Variants in BRINP1 observed in about 807,000 individuals in gnomAD.
BRINP1 encodes the protein BMP/retinoic acid-inducible neural-specific protein 1.
In BRINP1, 17 loss-of-function variants were observed where a neutral mutation model predicts 72.9. The observed-to-expected ratio is 0.23, with a 90% CI of 0.16 to 0.35. BRINP1 has a LOEUF of 0.35. Ranked by LOEUF, BRINP1 falls within the 10% of genes least tolerant of loss-of-function variation. The pLI, the probability that BRINP1 is intolerant of heterozygous loss-of-function variation, is 1.00. For synonymous variants in BRINP1, 418 were observed against 378.5 expected (o/e 1.10, Z -1.21); for missense variants, 850 against 1,001.6 (o/e 0.85, Z 2.04).
chr9:119,297,235 A>G (rs953172046), intron 2 of BRINP1, among the ~76,000 whole-genome samples: 1 of 152,208 alleles, frequency 6.6e-6, no homozygotes, highest in Non-Finnish European at 1.5e-5. Flanking sequence ...CAAAACATGA[A>G]TATTATAGAG....
At chr9:119,264,385 C>G (rs1830527651) in intron 2 of BRINP1, among the ~76,000 whole-genome samples, 1 of 152,248 alleles carries the variant, frequency 6.6e-6, no homozygotes, top group Non-Finnish European at 1.5e-5. Flanking sequence ...TTAAATATGA[C>G]AGCCAGAATT....
chr9:119,323,506 A>C (rs1038335880), intron 1 of BRINP1, among the ~76,000 whole-genome samples: 2 of 152,214 alleles, frequency 1.3e-5, no homozygotes, highest in Non-Finnish European at 2.9e-5. Flanking sequence ...TCTCCCTGCC[A>C]TGTACCAAGG....
chr9:119,261,268 A>G (rs1248199973), intron 2 of BRINP1, among the ~76,000 whole-genome samples: 1 of 152,200 alleles, frequency 6.6e-6, no homozygotes, highest in East Asian at 1.9e-4. Flanking sequence ...GTTTCAGAAA[A>G]GTAAAAATGT....
intron 3 of BRINP1, among the ~76,000 whole-genome samples, chr9:119,243,084 A>C (rs980224322): frequency 6.6e-6 from 1 of 151,968 alleles, no homozygotes; most frequent in African/African-American, 2.4e-5. Flanking sequence ...TCTGGGGTAC[A>C]TGTGCAGGAT....
intron 2 of BRINP1, among the ~76,000 whole-genome samples, chr9:119,273,415 C>T (rs540315428): frequency 1.3e-5 from 2 of 152,026 alleles, no homozygotes; most frequent in Non-Finnish European, 2.9e-5. Flanking sequence ...GGCAGAATCT[C>T]GGCTGGGTTT....
At chr9:119,240,597 G>T (rs1043707173) in intron 4 of BRINP1, among the ~76,000 whole-genome samples, 5 of 152,154 alleles carry the variant, frequency 3.3e-5, no homozygotes, top group Admixed American at 1.3e-4. Context: ...CTCTGACTCC[G>T]ATGGCTTCAT....
intron 1 of BRINP1, among the ~76,000 whole-genome samples, chr9:119,356,836 C>G (rs545934579): frequency 5.9e-5 from 9 of 151,410 alleles, no homozygotes; most frequent in Non-Finnish European, 1.0e-4. Context: ...TTGTTTATGA[C>G]AGAATGAAAG....
At chr9:119,340,410 A>AG (rs1055751243) in intron 1 of BRINP1, among the ~76,000 whole-genome samples, 15 of 151,138 alleles carry the variant, frequency 9.9e-5, no homozygotes, top group African/African-American at 2.2e-4. Context: ...CCAACCTCTG[A>AG]GGGAAAAAAA....
intron 1 of BRINP1, among the ~76,000 whole-genome samples, chr9:119,349,065 C>A (rs1831477077): frequency 6.6e-6 from 1 of 152,068 alleles, no homozygotes; most frequent in Admixed American, 6.5e-5. Context: ...AAGACTTGAA[C>A]CCAAGTCTTC....
intron 2 of BRINP1, among the ~76,000 whole-genome samples, chr9:119,287,810 T>G (rs1830778955): frequency 6.6e-6 from 1 of 152,222 alleles, no homozygotes; most frequent in Non-Finnish European, 1.5e-5. Context: ...CTGGATTTTT[T>G]TCTTGAAATA....
intron 1 of BRINP1, among the ~76,000 whole-genome samples, chr9:119,345,051 A>T (rs1434025641): frequency 6.6e-6 from 1 of 152,210 alleles, no homozygotes; most frequent in Non-Finnish European, 1.5e-5. Context: ...TAGCATCCAG[A>T]TGGCAGCCTA....
intron 2 of BRINP1, among the ~76,000 whole-genome samples, chr9:119,252,633 T>C (rs947430275): frequency 3.9e-5 from 6 of 151,970 alleles, no homozygotes; most frequent in African/African-American, 1.5e-4. Flanking sequence ...CACACCCGTA[T>C]TCCTTAAAAT....
At chr9:119,257,801 G>C (rs1344729781) in intron 2 of BRINP1, among the ~76,000 whole-genome samples, 1 of 152,148 alleles carries the variant, frequency 6.6e-6, no homozygotes, top group Non-Finnish European at 1.5e-5. Flanking sequence ...CCAGCTCAGA[G>C]AAAGGTGAAC....
At chr9:119,285,392 C>T (rs948954062) in intron 2 of BRINP1, among the ~76,000 whole-genome samples, 2 of 152,100 alleles carry the variant, frequency 1.3e-5, no homozygotes, top group African/African-American at 4.8e-5. Flanking sequence ...TAATTTGATT[C>T]AACCATTTAT....
intron 7 of BRINP1, among the ~76,000 whole-genome samples, chr9:119,193,729 T>A (rs1285798917): frequency 3.3e-5 from 5 of 152,210 alleles, no homozygotes; most frequent in African/African-American, 1.2e-4. Flanking sequence ...TGTTTTACAC[T>A]GGAAAAATGA....
chr9:119,282,912 C>T, intron 2 of BRINP1: 2 of 985,370 alleles, frequency 2.0e-6, no homozygotes, highest in Non-Finnish European at 1.2e-6. Context: ...AAGCTCTATG[C>T]CCCTGGGAGG....
At chr9:119,267,089 AT>A (rs1361979690) in intron 2 of BRINP1, among the ~76,000 whole-genome samples, 1 of 152,178 alleles carries the variant, frequency 6.6e-6, no homozygotes, top group African/African-American at 2.4e-5. Flanking sequence ...CCAGGAATGC[AT>A]TTTCTTTTCT....
chr9:119,311,788 G>A (rs1257101595), intron 2 of BRINP1, among the ~76,000 whole-genome samples: 2 of 152,082 alleles, frequency 1.3e-5, no homozygotes, highest in African/African-American at 2.4e-5. Flanking sequence ...AACGAAAAAT[G>A]TTTGGAAAAA....
intron 7 of BRINP1, among the ~76,000 whole-genome samples, chr9:119,184,234 G>T (rs1173823870): frequency 6.6e-6 from 1 of 152,102 alleles, no homozygotes; most frequent in East Asian, 1.9e-4. Context: ...TCCTACTAGT[G>T]TTGACTTAAA....
Sources: allele counts gnomAD v4.1 joint callset (sites outside exome capture counted in the v4.1 genomes callset), GRCh38; gene constraint gnomAD v4.1.1; transcripts MANE v1.5; gene names NCBI Gene and HGNC (gene_info 2026-07-23, HGNC 2026-07-21).